Variants in NAA60 observed in about 807,000 individuals in gnomAD.
The protein encoded by NAA60 is N-alpha-acetyltransferase 60, NatF catalytic subunit.
Under a neutral mutation model 26.1 loss-of-function variants are expected in NAA60, and 8 were observed. The ratio of observed to expected loss-of-function variants is 0.31; its 90% confidence interval spans 0.18 to 0.55. The LOEUF is 0.55. Ranked by LOEUF, NAA60 falls within the 20% of genes least tolerant of loss-of-function variation. NAA60 has a pLI of 0.93. For synonymous variants in NAA60, 131 were observed against 122.5 expected, an observed-to-expected ratio of 1.07 and a Z score of -0.46; for missense variants, 290 against 311.3, an observed-to-expected ratio of 0.93 and a Z score of 0.51.
intron 2 of NAA60, among the ~76,000 whole-genome samples, chr16:3,455,355 G>T (rs2034937002): frequency 6.6e-6 from 1 of 150,380 alleles, no homozygotes; most frequent in Non-Finnish European, 1.5e-5. Context: ...ACAGGCATGA[G>T]CCACCGGGCA....
At chr16:3,444,981 G>T (rs1330479568) in intron 1 of NAA60, among the ~76,000 whole-genome samples, 1 of 152,170 alleles carries the variant, frequency 6.6e-6, no homozygotes, top group African/African-American at 2.4e-5. Flanking sequence ...AAATAAGTTA[G>T]ATAAGAAACT....
intron 5 of NAA60, chr16:3,482,903 C>G (rs754689530): frequency 3.8e-6 from 2 of 519,782 alleles, no homozygotes; most frequent in South Asian, 4.3e-5. Context: ...TGCCGCCACA[C>G]GCACAACTCG....
At chr16:3,473,092 A>G (rs1284676716) in intron 2 of NAA60, among the ~76,000 whole-genome samples, 2 of 151,964 alleles carry the variant, frequency 1.3e-5, no homozygotes, top group Admixed American at 6.6e-5. Context: ...CTGGAATGCA[A>G]TGACACCATC....
At chr16:3,468,350 G>C (rs1690444) in intron 2 of NAA60, among the ~76,000 whole-genome samples, 1 of 151,972 alleles carries the variant, frequency 6.6e-6, no homozygotes, top group African/African-American at 2.4e-5. Context: ...GTTTTCCTTT[G>C]GATTTAGTTC....
At chr16:3,465,081 CAG>C (rs201931745) in intron 2 of NAA60, among the ~76,000 whole-genome samples, 7,173 of 152,042 alleles carry the variant, frequency 0.047, 556 homozygotes, top group African/African-American at 0.16. Context: ...TCCTGGCTAA[CAG>C]GGTGAAACCC....
chr16:3,470,996 C>G (rs1001121521), intron 2 of NAA60, among the ~76,000 whole-genome samples: 1 of 152,130 alleles, frequency 6.6e-6, no homozygotes, highest in African/African-American at 2.4e-5. Flanking sequence ...AAGAACTGGC[C>G]TCCAGAAACA....
chr16:3,484,574 C>G, intron 6 of NAA60, 125 bp from the exon 7 acceptor site: 1 of 1,304,896 alleles, frequency 7.7e-7, no homozygotes, highest in Non-Finnish European at 1.0e-6. Context: ...TTAGCGGGCT[C>G]TCAGCCTCCG....
chr16:3,447,719 T>A (rs2034610964), intron 1 of NAA60: 1 of 772,414 alleles, frequency 1.3e-6, no homozygotes, highest in Admixed American at 6.2e-5. Flanking sequence ...CTACCTAGTC[T>A]CCAGTCTTAT....
intron 2 of NAA60, among the ~76,000 whole-genome samples, chr16:3,455,600 T>G (rs999206317): frequency 6.6e-6 from 1 of 151,720 alleles, no homozygotes; most frequent in Admixed American, 6.6e-5. Flanking sequence ...TTTCACCGTG[T>G]TAGCCAGGAT....
In NAA60 at chr16:3,461,855, A is replaced by G. The variant is rs538781554; in HGVS notation, c.-7+13315A>G. Among the ~76,000 whole-genome samples, 16 of 152,282 alleles carry G rather than the reference A, an allele frequency of 1.1e-4. No homozygotes were observed. In the South Asian group the frequency reaches 2.9e-3, roughly 28 times the overall value. ...CAGGGGCCCAGCACTTTGGGAGGCC[A>G]AGTGGGCAGATCGCTTGAGCTCACA... On this transcript the variant is annotated intron_variant, in intron 2 of 7. Transcript: ENST00000407558.
chr16:3,484,768 C>G lies in NAA60; in HGVS notation c.642C>G (p.Tyr214Ter). The G allele has an allele frequency of 6.3e-7, 1 of 1,590,978 alleles. No individual in the cohort carries two copies. The highest frequency in any genetic ancestry group is 1.8e-5 in the Admixed American group (1 of 57,004). ...CCTGCTCCATTCCGCACAGAGTCTA[C>G]CGCCAGGCCCACAGCCTGCTCTGCA... ...LSPCSIPHRV[Y>*]RQAHSLLCSF... The change falls in exon 7 of 8, where the codon TAC becomes TAG. Residue 214 changes from tyrosine to a stop codon, truncating the protein, a stop_gained. Transcript: ENST00000407558. LOFTEE classifies it high-confidence loss of function.
At chr16:3,460,490 A>C (rs1010900609) in intron 2 of NAA60, among the ~76,000 whole-genome samples, 5 of 152,154 alleles carry the variant, frequency 3.3e-5, no homozygotes, top group Admixed American at 6.5e-5. Context: ...CAGCCTCCTG[A>C]GTAGCTGGGA....
intron 1 of NAA60, among the ~76,000 whole-genome samples, chr16:3,445,274 C>CTTTTTTTTTTTTTT (rs1452284919): frequency 8.0e-6 from 1 of 125,532 alleles, no homozygotes; most frequent in Non-Finnish European, 1.6e-5. Context: ...TTGTGCTTAT[C>CTTTTTTTTTTTTTT]TCTTTTTTTT....
At chr16:3,474,922 C>G (rs1417731256) in intron 2 of NAA60, among the ~76,000 whole-genome samples, 1 of 152,136 alleles carries the variant, frequency 6.6e-6, no homozygotes, top group African/African-American at 2.4e-5. Context: ...AATGCAGCAT[C>G]TTTTCCCATT....
chr16:3,474,341 G>A (rs1374849168), intron 2 of NAA60, among the ~76,000 whole-genome samples: 4 of 152,262 alleles, frequency 2.6e-5, no homozygotes, highest in African/African-American at 9.6e-5. Flanking sequence ...GAGGGGCACC[G>A]CCTCCCTGCC....
chr16:3,464,246 C>T (rs1354986148), intron 2 of NAA60, among the ~76,000 whole-genome samples: 1 of 152,178 alleles, frequency 6.6e-6, no homozygotes, highest in East Asian at 1.9e-4. Flanking sequence ...CTCCTGACCT[C>T]AAGTGATCTG....
At chr16:3,446,579 C>T (rs1272141975) in intron 1 of NAA60, among the ~76,000 whole-genome samples, 1 of 149,118 alleles carries the variant, frequency 6.7e-6, no homozygotes, top group African/African-American at 2.5e-5. Flanking sequence ...CAACACATTC[C>T]TGTCACCCAG....
chr16:3,483,819 C>G, intron 6 of NAA60: 1 of 554,288 alleles, frequency 1.8e-6, no homozygotes, highest in Non-Finnish European at 3.2e-6. Context: ...TCTCGAACTC[C>G]TAAGCTCAAA....
intron 2 of NAA60, among the ~76,000 whole-genome samples, chr16:3,450,326 A>T (rs911372659): frequency 6.6e-6 from 1 of 152,026 alleles, no homozygotes; most frequent in Admixed American, 6.6e-5. Flanking sequence ...TGTTTCTGGG[A>T]CCCTGGGAAA....
Sources: gnomAD v4.1 joint callset for allele counts (sites outside exome capture counted in the v4.1 genomes callset) on GRCh38, gnomAD v4.1.1 for gene constraint, MANE v1.5 for transcripts, NCBI Gene and HGNC (gene_info 2026-07-23, HGNC 2026-07-21) for gene names.